EIF2B1: variants seen among roughly 807,000 people sequenced by gnomAD.
EIF2B1 encodes the protein translation initiation factor eIF2B subunit alpha.
In EIF2B1, 30 loss-of-function variants were observed where a neutral mutation model predicts 36.8. The ratio of observed to expected loss-of-function variants is 0.81; its 90% CI spans 0.61 to 1.10. EIF2B1 has a LOEUF of 1.10. EIF2B1 is among the 50% of genes least tolerant of loss of function. The probability of loss-of-function intolerance (pLI) is 0.00; values close to 1 mark genes in which losing one functional copy is unlikely to be tolerated. For missense variants in EIF2B1, 271 were observed against 374.8 expected (o/e 0.72, Z 2.29); for synonymous variants, 139 against 142.2 (o/e 0.98, Z 0.16).
chr12:123,621,805 A>C lies in EIF2B1; in HGVS notation c.869T>G (p.Val290Gly), dbSNP rs1955101504. 3.1e-6 allele frequency: 5 copies of C among 1,613,940 alleles called. No homozygotes were observed. The Admixed American group carries it at 8.3e-5, about 27-fold the overall frequency. ...LITLLFTDLG[V>G]LTPSAVSDEL... is the part of the protein sequence containing the mutation. ...ATCGCTGACTGCTGAGGGTGTCAGCACGCCCAGGTCTGTAAACAGCAGAGT... is the reference window on the plus strand; with the variant it reads ...ATCGCTGACTGCTGAGGGTGTCAGCCCGCCCAGGTCTGTAAACAGCAGAGT... Residue 290 changes from valine (V) to glycine (G), a missense_variant, in exon 9 of 9, where the codon GTG becomes GGG. Coordinates refer to ENST00000424014, the MANE Select transcript of EIF2B1 (RefSeq NM_001414.4).
chr12:123,625,470 T>C (rs1060638), intron 6 of EIF2B1, among the ~76,000 whole-genome samples: 7,403 of 152,170 alleles, frequency 0.049, 476 homozygotes, highest in African/African-American at 0.15. Context: ...ACTCTAGCGA[T>C]CCACCTGCCT....
rs745690621 is a variant in EIF2B1 at position 123,624,793 on chromosome 12, A to T, written c.621T>A (p.Ile207=). 6.2e-7 allele frequency: 1 copy of T among 1,613,860 alleles called. No individual in the cohort carries two copies. The highest frequency in any genetic ancestry group is 1.7e-5 in the Admixed American group (1 of 60,022). ...AEGVVENGGI[I]NKIGTNQMAV... ...GGAGAACTGATGCTCTTACCTTGTT[A>T]ATAATTCCTCCGTTTTCAACAACTC... The change falls in exon 7 of 9, where the codon ATT becomes ATA. Residue 207 remains isoleucine, a synonymous_variant. Coordinates refer to ENST00000424014, the MANE Select transcript of EIF2B1 (RefSeq NM_001414.4).
chr12:123,621,505 C>T lies in EIF2B1; in HGVS notation c.*251G>A. On this transcript the variant is annotated 3_prime_UTR_variant, in exon 9 of 9. Transcript: ENST00000424014. ...GTAGCCAATTATCTAACTTGTATTT[C>T]TGGAAACTGAAAAGGAAAGTTTCTA... 1 of 513,558 alleles carries T rather than the reference C, an allele frequency of 1.9e-6. No individual in the cohort carries two copies. Among genetic ancestry groups the T allele is most frequent in the Non-Finnish European group, 3.5e-6 (1 of 285,886 alleles). 31.8% of individuals were successfully genotyped at this position (513,558 alleles called of 1,614,324 possible).
chr12:123,632,523 G>A (rs998626709), intron 1 of EIF2B1, 77 bp from the exon 2 acceptor site: 2 of 993,802 alleles, frequency 2.0e-6, no homozygotes, highest in Admixed American at 3.4e-5. Flanking sequence ...AATGACTGTT[G>A]ACTTTAAGAA....
chr12:123,632,910 C>A (rs1317204202), intron 1 of EIF2B1, among the ~76,000 whole-genome samples: 2 of 142,410 alleles, frequency 1.4e-5, no homozygotes, highest in Admixed American at 7.2e-5. Flanking sequence ...TGCGCCACTG[C>A]ACTCCAGCCT....
chr12:123,624,763 A>G, intron 7 of EIF2B1, 24 bp downstream of exon 7: 1 of 1,605,986 alleles, frequency 6.2e-7, no homozygotes, highest in Non-Finnish European at 8.5e-7. Flanking sequence ...TGAGCAGGGA[A>G]CTGGGGAGAA....
In EIF2B1 at chr12:123,632,945, C is replaced by CAAA. The variant is rs4040224; in HGVS notation, c.14-502_14-500dup. Among the ~76,000 whole-genome samples the CAAA allele has an allele frequency of 4.9e-4, 37 of 75,050 alleles. 1 individual carries two copies. Among genetic ancestry groups the CAAA allele is most frequent in the Admixed American group, 8.3e-4 (5 of 6,050 alleles). The allele number at this position is 75,050 out of a possible 152,430, so 49.2% of individuals were successfully genotyped here. ...TGGGTGACAGAGCGAGACTCCGTCT[C>CAAA]AAAAAAAAAAAAAAAAAAGCTACTG... On this transcript the variant is annotated intron_variant, in intron 1 of 8. Coordinates refer to ENST00000424014, the MANE Select transcript of EIF2B1 (RefSeq NM_001414.4).
intron 1 of EIF2B1, among the ~76,000 whole-genome samples, chr12:123,632,921 G>C (rs1485717809): frequency 2.7e-5 from 4 of 146,984 alleles, no homozygotes; most frequent in Admixed American, 6.8e-5. Flanking sequence ...ACTCCAGCCT[G>C]GGTGACAGAG....
In EIF2B1 at chr12:123,620,627, T is replaced by TAA. The variant is rs1555284699; in HGVS notation, c.*1127_*1128dup. 6.0e-3 allele frequency: 595 copies of TAA among 99,776 alleles called. 22 individuals are homozygous for TAA. The highest frequency in any genetic ancestry group is 8.6e-3 in the Non-Finnish European group (399 of 46,620). The allele number at this position is 99,776 out of a possible 1,614,324, so 6.2% of individuals were successfully genotyped here. On this transcript the variant is annotated 3_prime_UTR_variant, in exon 9 of 9. Transcript: ENST00000424014. ...ATATATATATATATATATATATATA[T>TAA]AAGCTCTTTTTTCTGAGGCTATTTT...
chr12:123,627,204 A>G (rs752911399), intron 4 of EIF2B1, 48 bp from the exon 5 acceptor site: 7 of 1,450,206 alleles, frequency 4.8e-6, no homozygotes, highest in Non-Finnish European at 4.8e-6. Context: ...CTTGCTGCTC[A>G]CTCACACCCT....
chr12:123,622,482 T>C (rs1203136266), intron 8 of EIF2B1, 154 bp downstream of exon 8: 4 of 1,088,432 alleles, frequency 3.7e-6, no homozygotes, highest in East Asian at 5.5e-5. Context: ...TAGGGACAAA[T>C]GTGTGAGTCC....
chr12:123,624,677 G>A (rs1955134932), intron 7 of EIF2B1, 110 bp downstream of exon 7: 1 of 932,264 alleles, frequency 1.1e-6, no homozygotes, highest in East Asian at 2.5e-5. Flanking sequence ...ATGAAGTCCT[G>A]AAGTGAAGCA....
intron 2 of EIF2B1, among the ~76,000 whole-genome samples, chr12:123,631,114 A>C (rs1955183594): frequency 6.6e-6 from 1 of 152,212 alleles, no homozygotes; most frequent in Non-Finnish European, 1.5e-5. Flanking sequence ...TCTGTACAGA[A>C]TCTGGCACAA....
At chr12:123,628,928 C>A (rs908427246) in intron 4 of EIF2B1, among the ~76,000 whole-genome samples, 3 of 152,118 alleles carry the variant, frequency 2.0e-5, no homozygotes, top group African/African-American at 7.2e-5. Context: ...ACATACATAC[C>A]ACACTACACT....
rs10658670 is a variant in EIF2B1 at position 123,624,152 on chromosome 12, G to GTA, written c.627+633_627+634dup. ...ATTTGTGTATATATATTATGTGTGT[G>GTA]TATATATATGCATAAATAAAACATA... is the stretch of plus-strand genomic sequence containing the variant. On this transcript the variant is annotated intron_variant, in intron 7 of 8. Transcript: ENST00000424014. 3.3e-5 allele frequency among the ~76,000 whole-genome samples: 5 copies of GTA among 149,378 alleles called. No individual in the cohort carries two copies. In the East Asian group the frequency reaches 9.7e-4, roughly 29 times the overall value.
At chr12:123,628,351 C>CTTTTTTT (rs958119194) in intron 4 of EIF2B1, among the ~76,000 whole-genome samples, 9 of 74,980 alleles carry the variant, frequency 1.2e-4, no homozygotes, top group Admixed American at 3.1e-4. Flanking sequence ...CCCATAACCT[C>CTTTTTTT]TTTTTTTTTT....
intron 5 of EIF2B1, chr12:123,626,770 T>C: frequency 3.1e-6 from 2 of 653,542 alleles, no homozygotes; most frequent in Non-Finnish European, 2.7e-6. Flanking sequence ...GAGAGGGAGA[T>C]ATAAGTTACC....
Position 123,626,494 on chromosome 12 carries a change from C to G in EIF2B1, c.483-1G>C, listed in dbSNP as rs1209277363. On this transcript the variant is annotated splice_acceptor_variant, in intron 5 of 8. Transcript: ENST00000424014. LOFTEE classifies it high-confidence loss of function. ...GCAGAGGGCTTTGGCCATTTTCTTA[C>G]TGAAGATGACATTTTGAGAACGTTA... 1 of 1,614,068 alleles carries G rather than the reference C, an allele frequency of 6.2e-7. No individual in the cohort carries two copies. Among genetic ancestry groups the G allele is most frequent in the Non-Finnish European group, 8.5e-7 (1 of 1,179,978 alleles).
intron 1 of EIF2B1, among the ~76,000 whole-genome samples, chr12:123,632,814 C>T (rs1213153540): frequency 6.6e-6 from 1 of 151,148 alleles, no homozygotes; most frequent in Non-Finnish European, 1.5e-5. Flanking sequence ...GGCGTAGTGG[C>T]GGGCGCCTGT....
Sources: gnomAD v4.1 joint callset for allele counts (sites outside exome capture counted in the v4.1 genomes callset) on GRCh38, gnomAD v4.1.1 for gene constraint, MANE v1.5 for transcripts, NCBI Gene and HGNC (gene_info 2026-07-23, HGNC 2026-07-21) for gene names.